Variants in FRMD4A observed in about 807,000 individuals in gnomAD.
FRMD4A encodes the protein FERM domain containing 4A, also known as FERM domain-containing protein 4A.
FRMD4A carries 29 observed loss-of-function variants against 129.1 expected under a neutral mutation model. That is an observed-to-expected ratio of 0.22 (90% CI 0.17 to 0.31). FRMD4A has a LOEUF of 0.31. Ranked by LOEUF, FRMD4A falls within the 10% of genes least tolerant of loss-of-function variation. The pLI is 1.00. For synonymous variants in FRMD4A, 634 were observed against 571.6 expected (o/e 1.11, Z -1.56); for missense variants, 1,272 against 1,375.8 (o/e 0.92, Z 1.19).
At chr10:13,858,389 C>T (rs886672467) in intron 3 of FRMD4A, among the ~76,000 whole-genome samples, 2 of 152,162 alleles carry the variant, frequency 1.3e-5, no homozygotes, top group Admixed American at 6.5e-5. Context: ...GAGCTGAGAT[C>T]GTGCCACTGC....
chr10:14,227,230 T>C (rs1376183060), intron 2 of FRMD4A, among the ~76,000 whole-genome samples: 2 of 140,156 alleles, frequency 1.4e-5, no homozygotes, highest in Non-Finnish European at 3.1e-5. Flanking sequence ...CTCCTCCTCC[T>C]TCTCTTCTTC....
At chr10:13,776,562 G>C (rs1018283935) in intron 6 of FRMD4A, among the ~76,000 whole-genome samples, 1 of 152,210 alleles carries the variant, frequency 6.6e-6, no homozygotes, top group Admixed American at 6.5e-5. Flanking sequence ...GGAGGAAGCT[G>C]TTTGTCATAA....
chr10:14,266,438 G>C (rs1844981505), intron 2 of FRMD4A, among the ~76,000 whole-genome samples: 1 of 151,994 alleles, frequency 6.6e-6, no homozygotes. Context: ...TGAACTACTA[G>C]ATGAAGTAAA....
At chr10:14,216,348 A>G (rs1321704088) in intron 2 of FRMD4A, among the ~76,000 whole-genome samples, 3 of 152,120 alleles carry the variant, frequency 2.0e-5, no homozygotes, top group Admixed American at 6.6e-5. Flanking sequence ...TTGCACTTCC[A>G]ATAGGTACAG....
intron 2 of FRMD4A, among the ~76,000 whole-genome samples, chr10:14,130,053 T>G (rs1839159775): frequency 6.6e-6 from 1 of 152,076 alleles, no homozygotes; most frequent in Non-Finnish European, 1.5e-5. Context: ...CCGCAGCGCT[T>G]GCGGGCCTGC....
intron 2 of FRMD4A, among the ~76,000 whole-genome samples, chr10:14,271,501 C>T (rs1308151320): frequency 6.6e-6 from 1 of 152,170 alleles, no homozygotes; most frequent in African/African-American, 2.4e-5. Flanking sequence ...CTGAAGAAAC[C>T]CCTTGCAGAC....
intron 4 of FRMD4A, among the ~76,000 whole-genome samples, chr10:13,807,620 T>C (rs1173734345): frequency 1.3e-5 from 2 of 152,210 alleles, no homozygotes; most frequent in Non-Finnish European, 2.9e-5. Context: ...GCTTTATTAA[T>C]GAATACAACT....
rs147862890 is a variant in FRMD4A at position 14,186,777 on chromosome 10, T to C, written c.45+143281A>G. On this transcript the variant is annotated intron_variant, in intron 2 of 24. Coordinates refer to ENST00000357447, the MANE Select transcript of FRMD4A (RefSeq NM_018027.5). ...CCCAGGAGACTGGCAAAGAAGATCA[T>C]AGCTTTGACTGTTCAGGGTGGCCTT... 4.9e-3 allele frequency among the ~76,000 whole-genome samples: 751 copies of C among 152,228 alleles called. 3 individuals are homozygous for C. Among genetic ancestry groups the C allele is most frequent in the African/African-American group, 0.017 (708 of 41,556 alleles).
intron 2 of FRMD4A, among the ~76,000 whole-genome samples, chr10:14,133,018 T>C (rs961297587): frequency 6.6e-6 from 1 of 152,198 alleles, no homozygotes; most frequent in African/African-American, 2.4e-5. Context: ...ATCAGTAAGA[T>C]CAGAATAAGG....
intron 8 of FRMD4A, among the ~76,000 whole-genome samples, chr10:13,752,517 G>A (rs2091676779): frequency 6.6e-6 from 1 of 152,138 alleles, no homozygotes; most frequent in Non-Finnish European, 1.5e-5. Flanking sequence ...GAGAAACTTG[G>A]GACGAACAGA....
chr10:13,945,792 T>A (rs1475147625), intron 2 of FRMD4A, among the ~76,000 whole-genome samples: 1 of 152,154 alleles, frequency 6.6e-6, no homozygotes, highest in Non-Finnish European at 1.5e-5. Context: ...GAGAGGGAAC[T>A]ATGCATTTGG....
rs75796377 is a variant in FRMD4A, at chr10:13,847,209, G to A, written c.111+11638C>T. 3.7e-3 allele frequency among the ~76,000 whole-genome samples: 563 copies of A among 152,292 alleles called. 2 individuals carry two copies. The highest frequency in any genetic ancestry group is 0.013 in the African/African-American group (539 of 41,556). On this transcript the variant is annotated intron_variant, in intron 3 of 24. Coordinates refer to ENST00000357447, the MANE Select transcript of FRMD4A (RefSeq NM_018027.5). Reference sequence around the variant, plus strand: ...GCCATGAGGTGCTGGGGCTGCCACCGAGGTGTTCAGTCACAAAGACCTAGT... The same window carrying A: ...GCCATGAGGTGCTGGGGCTGCCACCAAGGTGTTCAGTCACAAAGACCTAGT...
At chr10:13,775,044 A>G (rs1382084417) in intron 6 of FRMD4A, among the ~76,000 whole-genome samples, 1 of 152,164 alleles carries the variant, frequency 6.6e-6, no homozygotes, top group African/African-American at 2.4e-5. Context: ...CCTCCCAGAA[A>G]GTAGAATAAA....
At position 13,646,966 on chromosome 10, in the gene FRMD4A, C is replaced by A. The variant is rs548094990; in HGVS notation, c.*72G>T. 2.1e-4 allele frequency: 202 copies of A among 983,960 alleles called. No homozygotes were observed. Among genetic ancestry groups the A allele is most frequent in the Middle Eastern group, 1.0e-3 (2 of 1,936 alleles). 61.0% of individuals were successfully genotyped at this position (983,960 alleles called of 1,614,324 possible). ...GGGTCCCGGGCTTGGCTTTTTCCTG[C>A]CCGTACCACTGGACATCAGCTAGTT... On this transcript the variant is annotated 3_prime_UTR_variant, in exon 25 of 25. Coordinates refer to ENST00000357447, the MANE Select transcript of FRMD4A (RefSeq NM_018027.5).
At chr10:14,042,253 T>C (rs972989980) in intron 2 of FRMD4A, among the ~76,000 whole-genome samples, 2 of 152,222 alleles carry the variant, frequency 1.3e-5, no homozygotes, top group Admixed American at 1.3e-4. Flanking sequence ...TCTTCCTTAT[T>C]TGAAGTTGTT....
chr10:13,854,869 G>C (rs2094192265), intron 3 of FRMD4A, among the ~76,000 whole-genome samples: 1 of 152,188 alleles, frequency 6.6e-6, no homozygotes, highest in African/African-American at 2.4e-5. Context: ...CAAGGCTGCA[G>C]GCATGCTCTG....
chr10:14,114,551 C>T (rs1226695434), intron 2 of FRMD4A, among the ~76,000 whole-genome samples: 2 of 152,124 alleles, frequency 1.3e-5, no homozygotes, highest in African/African-American at 2.4e-5. Context: ...GAGAGGAAGA[C>T]CCAAAAAGAG....
At chr10:14,190,426 C>G (rs1842281896) in intron 2 of FRMD4A, among the ~76,000 whole-genome samples, 1 of 152,144 alleles carries the variant, frequency 6.6e-6, no homozygotes, top group South Asian at 2.1e-4. Context: ...GGCTGGAGTG[C>G]AGTGGTGCCA....
chr10:13,823,213 C>T (rs995502466), intron 3 of FRMD4A, among the ~76,000 whole-genome samples: 2 of 152,162 alleles, frequency 1.3e-5, no homozygotes, highest in African/African-American at 4.8e-5. Flanking sequence ...ACAAGCCAGC[C>T]AGCCGGCTGG....
Sources: gnomAD v4.1 joint callset for allele counts (sites outside exome capture counted in the v4.1 genomes callset) on GRCh38, gnomAD v4.1.1 for gene constraint, MANE v1.5 for transcripts, NCBI Gene and HGNC (gene_info 2026-07-23, HGNC 2026-07-21) for gene names.